TIGAR: variants seen among roughly 807,000 people sequenced by gnomAD.
TIGAR encodes fructose-2,6-bisphosphatase TIGAR.
In TIGAR, 7 loss-of-function variants were observed where a neutral mutation model predicts 17.9. That is an observed-to-expected ratio of 0.39 (90% CI 0.22 to 0.73). The LOEUF (loss-of-function observed/expected upper bound fraction) is 0.73. Among genes scored for constraint, TIGAR ranks in the 30% least tolerant of loss-of-function variants. The pLI is 0.42. For missense variants in TIGAR, 258 were observed against 327.4 expected, an observed-to-expected ratio of 0.79 and a Z score of 1.64; for synonymous variants, 94 against 108.6, an observed-to-expected ratio of 0.87 and a Z score of 0.84.
At chr12:4,324,380 G>T in intron 1 of TIGAR, 2 of 1,097,216 alleles carry the variant, frequency 1.8e-6, no homozygotes, top group Non-Finnish European at 1.4e-6. Context: ...CACTACTTGA[G>T]GGGGATGAAG....
At chr12:4,335,950 T>C (rs1431699591) in intron 2 of TIGAR, among the ~76,000 whole-genome samples, 1 of 152,244 alleles carries the variant, frequency 6.6e-6, no homozygotes. Context: ...GAAAATTGTC[T>C]ACTTATTTTT....
intron 1 of TIGAR, chr12:4,324,425 A>C: frequency 6.8e-7 from 1 of 1,471,618 alleles, no homozygotes; most frequent in Non-Finnish European, 9.5e-7. Flanking sequence ...CCGGGCCGGC[A>C]GTGCTTCACC....
intron 1 of TIGAR, among the ~76,000 whole-genome samples, chr12:4,323,371 A>T (rs759732307): frequency 6.6e-6 from 1 of 152,240 alleles, no homozygotes; most frequent in Admixed American, 6.5e-5. Flanking sequence ...CTAATAGACA[A>T]TAGTCATATA....
At chr12:4,346,086 C>T (rs1434396751) in intron 3 of TIGAR, among the ~76,000 whole-genome samples, 1 of 152,154 alleles carries the variant, frequency 6.6e-6, no homozygotes, top group African/African-American at 2.4e-5. Flanking sequence ...GAATGGCAAT[C>T]ATTAAAAAGT....
chr12:4,352,769 G>C lies in TIGAR; in HGVS notation c.*78G>C. The C allele has an allele frequency of 7.1e-7, 1 of 1,409,874 alleles. No individual in the cohort carries two copies. The highest frequency in any genetic ancestry group is 1.4e-5 in the South Asian group (1 of 70,536). The allele number at this position is 1,409,874 out of a possible 1,614,324, so 87.3% of individuals were successfully genotyped here. A position where few individuals can be genotyped will look rare whatever the true frequency, so the allele number is the denominator to read the frequency against. On this transcript the variant is annotated 3_prime_UTR_variant, in exon 6 of 6. Coordinates refer to ENST00000179259, the MANE Select transcript of TIGAR (RefSeq NM_020375.3). ...TTGGCTTTATTTACTTCTCTCCTCT[G>C]CTAGTTCTGATTTGGAAACAGTTAA...
chr12:4,357,870 A>G lies in TIGAR; in HGVS notation c.*5179A>G, dbSNP rs143442239. 5.3e-4 allele frequency among the ~76,000 whole-genome samples: 80 copies of G among 152,158 alleles called. No individual in the cohort carries two copies. Among genetic ancestry groups the G allele is most frequent in the Non-Finnish European group, 8.5e-4 (58 of 68,002 alleles). On this transcript the variant is annotated 3_prime_UTR_variant, in exon 6 of 6. Transcript: ENST00000179259. ...TGTAATCCCAGCACTTTGGGAGGCCAAGGCGGGCAGATCACGAGGTCAGGA... is the reference window on the plus strand; with the variant it reads ...TGTAATCCCAGCACTTTGGGAGGCCGAGGCGGGCAGATCACGAGGTCAGGA...
intron 1 of TIGAR, among the ~76,000 whole-genome samples, chr12:4,323,945 C>T (rs1183749116): frequency 6.6e-6 from 1 of 152,160 alleles, no homozygotes; most frequent in Non-Finnish European, 1.5e-5. Context: ...AATGTAATGA[C>T]TTTTTGAAGA....
At chr12:4,332,238 CTTT>C (rs777711454) in intron 2 of TIGAR, among the ~76,000 whole-genome samples, 2 of 95,356 alleles carry the variant, frequency 2.1e-5, no homozygotes, top group African/African-American at 8.1e-5. Flanking sequence ...TCATGTATTT[CTTT>C]TTTTTTTTTT....
At chr12:4,325,758 A>AG (rs1864539810) in intron 1 of TIGAR, among the ~76,000 whole-genome samples, 1 of 150,484 alleles carries the variant, frequency 6.6e-6, no homozygotes, top group Non-Finnish European at 1.5e-5. Flanking sequence ...AAAAAAAAAA[A>AG]AGAAAGACCA....
Position 4,349,893 on chromosome 12 carries a change from A to G in TIGAR, c.267A>G (p.Glu89=). ...TAAAGTATGACTCAAGACTTCGGGA[A>G]AGGGTGAGTAACTTATTTACATATT... ...MTVKYDSRLR[E]RKYGVVEGKA... Residue 89 remains glutamate (E), a synonymous_variant, in exon 4 of 6, where the codon GAA becomes GAG. Transcript: ENST00000179259. 6.4e-7 allele frequency: 1 copy of G among 1,558,040 alleles called. No homozygotes were observed. The highest frequency in any genetic ancestry group is 8.6e-7 in the Non-Finnish European group (1 of 1,158,866).
intron 3 of TIGAR, among the ~76,000 whole-genome samples, chr12:4,345,646 C>T (rs1864771219): frequency 6.6e-6 from 1 of 152,114 alleles, no homozygotes; most frequent in Non-Finnish European, 1.5e-5. Context: ...GACCTAAAAC[C>T]ATAAAAACCC....
intron 1 of TIGAR, among the ~76,000 whole-genome samples, chr12:4,325,549 T>C (rs1864536269): frequency 6.6e-6 from 1 of 151,916 alleles, no homozygotes; most frequent in South Asian, 2.1e-4. Flanking sequence ...AAGACCAGCC[T>C]GGTCAACATG....
At chr12:4,337,854 G>T (rs1864677127) in intron 3 of TIGAR, among the ~76,000 whole-genome samples, 1 of 152,180 alleles carries the variant, frequency 6.6e-6, no homozygotes, top group Non-Finnish European at 1.5e-5. Flanking sequence ...AAACCAGTTG[G>T]GCATGGTGGC....
At chr12:4,323,358 T>G (rs1361607500) in intron 1 of TIGAR, among the ~76,000 whole-genome samples, 1 of 152,224 alleles carries the variant, frequency 6.6e-6, no homozygotes. Context: ...CCTATTTAGA[T>G]TCCTAATAGA....
At chr12:4,351,456 G>T (rs994334876) in intron 5 of TIGAR, 79 bp downstream of exon 5, 2 of 1,137,812 alleles carry the variant, frequency 1.8e-6, no homozygotes, top group African/African-American at 3.1e-5. Flanking sequence ...TAAGCAGTTT[G>T]AAAGTTGCTT....
Position 4,353,691 on chromosome 12 carries a change from A to C in TIGAR, c.*1000A>C, listed in dbSNP as rs900917775. 1 of 152,308 alleles carries C rather than the reference A, an allele frequency of 6.6e-6. No individual in the cohort carries two copies. Among genetic ancestry groups the C allele is most frequent in the Middle Eastern group, 3.1e-3 (1 of 320 alleles). 9.4% of individuals were successfully genotyped at this position (152,308 alleles called of 1,614,324 possible). On this transcript the variant is annotated 3_prime_UTR_variant, in exon 6 of 6. Coordinates refer to ENST00000179259, the MANE Select transcript of TIGAR (RefSeq NM_020375.3). ...TCTCTACTACAAATACAAAAAAGCCAGGCGTGGTAGCAGGCGCCTGTAATC... is the reference window on the plus strand; with the variant it reads ...TCTCTACTACAAATACAAAAAAGCCCGGCGTGGTAGCAGGCGCCTGTAATC...
Position 4,321,266 on chromosome 12 carries a change from G to A in TIGAR, c.-6G>A. ...GGGGCCACCGACGGGACGCGGCTCC[G>A]GGAACATGGCTCGCTTCGCTCTGAC... On this transcript the variant is annotated 5_prime_UTR_variant, in exon 1 of 6. Coordinates refer to ENST00000179259, the MANE Select transcript of TIGAR (RefSeq NM_020375.3). This position sits in a 1 kb window ranked among gnomAD's most constrained non-coding sequence, Gnocchi z 5.2. 6.2e-7 allele frequency: 1 copy of A among 1,601,122 alleles called. No homozygotes were observed. Among genetic ancestry groups the A allele is most frequent in the Non-Finnish European group, 8.5e-7 (1 of 1,179,806 alleles).
chr12:4,332,439 T>G (rs1864614052), intron 2 of TIGAR, among the ~76,000 whole-genome samples: 1 of 152,132 alleles, frequency 6.6e-6, no homozygotes, highest in South Asian at 2.1e-4. Context: ...AGGTGGTGTT[T>G]TGCCATGTTG....
At chr12:4,341,382 AAG>A (rs1414959368) in intron 3 of TIGAR, among the ~76,000 whole-genome samples, 1 of 152,144 alleles carries the variant, frequency 6.6e-6, no homozygotes, top group Non-Finnish European at 1.5e-5. Context: ...CTGAGCTTTG[AAG>A]AGAGTAGTCG....
Sources: gnomAD v4.1 joint callset for allele counts (sites outside exome capture counted in the v4.1 genomes callset) on GRCh38, gnomAD v4.1.1 for gene constraint, Gnocchi (gnomAD v3.1) non-coding constraint, MANE v1.5 for transcripts, NCBI Gene and HGNC (gene_info 2026-07-23, HGNC 2026-07-21) for gene names.